The following CHN2 variants were observed in gnomAD, a reference collection of about 807,000 sequenced individuals.
CHN2 encodes the protein chimerin 2.
A neutral mutation model predicts 56.3 loss-of-function variants in CHN2; 35 were observed. The observed-to-expected ratio is 0.62, with a 90% CI of 0.47 to 0.82. The LOEUF is 0.82. Ranked by LOEUF, CHN2 falls within the 40% of genes least tolerant of loss-of-function variation. The probability of loss-of-function intolerance (pLI) is 0.00; values close to 1 mark genes in which losing one functional copy is unlikely to be tolerated. For synonymous variants in CHN2, 210 were observed against 212.8 expected (o/e 0.99, Z 0.12); for missense variants, 491 against 580.5 (o/e 0.85, Z 1.58).
chr7:29,271,885 T>C (rs1772693314), intron 1 of CHN2, among the ~76,000 whole-genome samples: 1 of 145,696 alleles, frequency 6.9e-6, no homozygotes, highest in African/African-American at 2.8e-5. Context: ...TTTGCACTTC[T>C]CCTCCCCACC....
upstream of CHN2, chr7:29,192,632 A>G (rs1225866402): frequency 1.3e-5 from 2 of 152,256 alleles, no homozygotes; most frequent in African/African-American, 2.4e-5. Context: ...TCACTTTGGA[A>G]CACAAACTTC....
At chr7:29,483,435 C>T (rs1787574618) in intron 7 of CHN2, among the ~76,000 whole-genome samples, 1 of 152,132 alleles carries the variant, frequency 6.6e-6, no homozygotes, top group Non-Finnish European at 1.5e-5. Context: ...CAGTTGGCAC[C>T]TCATCGCATG....
At chr7:29,479,956 C>G in intron 6 of CHN2, 1 of 1,449,948 alleles carries the variant, frequency 6.9e-7, no homozygotes, top group East Asian at 2.5e-5. Context: ...ATCACTCAAA[C>G]TGGGCCTTTC....
intron 7 of CHN2, among the ~76,000 whole-genome samples, chr7:29,483,651 C>T (rs534396775): frequency 6.6e-6 from 1 of 152,308 alleles, no homozygotes; most frequent in East Asian, 1.9e-4. Context: ...AACTGCATCT[C>T]TGTTTATCTA....
chr7:29,183,384 T>G (rs1288188614), intron 2 of CHN2, among the ~76,000 whole-genome samples: 5 of 126,144 alleles, frequency 4.0e-5, no homozygotes, highest in African/African-American at 1.8e-4. Flanking sequence ...GTGCCTAGCC[T>G]TTTTTTTTTT....
intron 2 of CHN2, among the ~76,000 whole-genome samples, chr7:29,162,807 A>G (rs1331722328): frequency 1.3e-5 from 2 of 152,264 alleles, no homozygotes; most frequent in African/African-American, 2.4e-5. Flanking sequence ...GCCAAAGGTT[A>G]GGGAAGAGGA....
upstream of CHN2, among the ~76,000 whole-genome samples, chr7:29,189,838 C>T (rs1782664876): frequency 1.3e-5 from 2 of 152,186 alleles, no homozygotes; most frequent in Admixed American, 6.5e-5. Context: ...AGCCCCCCTG[C>T]AGCTCAGTGA....
intron 6 of CHN2, among the ~76,000 whole-genome samples, chr7:29,422,144 T>A (rs1804408942): frequency 6.6e-6 from 1 of 152,208 alleles, no homozygotes; most frequent in Non-Finnish European, 1.5e-5. Context: ...AAGTGAGGAT[T>A]TTTTTAATGA....
rs114488691 is a variant in CHN2, at chr7:29,265,980, A to G, written c.49+70990A>G. Among the ~76,000 whole-genome samples the G allele has an allele frequency of 3.6e-3, 543 of 152,302 alleles. 4 individuals carry two copies. The highest frequency in any genetic ancestry group is 0.012 in the African/African-American group (515 of 41,558). ...CTACTCAGTAGGCTGATGTGAGAGG[A>G]TGAAAAGTTCAAGGCCTGAGCAAAG... On this transcript the variant is annotated intron_variant, in intron 1 of 12. Coordinates refer to ENST00000222792, the MANE Select transcript of CHN2 (RefSeq NM_004067.4).
At chr7:29,316,781 T>G (rs2128891078) in intron 1 of CHN2, among the ~76,000 whole-genome samples, 1 of 152,286 alleles carries the variant, frequency 6.6e-6, no homozygotes, top group South Asian at 2.1e-4. Flanking sequence ...ATAGCTAAGC[T>G]TTCTAGAGTA....
At chr7:29,488,820 C>T (rs917676089) in intron 7 of CHN2, among the ~76,000 whole-genome samples, 3 of 152,186 alleles carry the variant, frequency 2.0e-5, no homozygotes, top group African/African-American at 7.2e-5. Flanking sequence ...ATGTACGAGG[C>T]AGACCCCCAC....
intron 11 of CHN2, 71 bp downstream of exon 11, chr7:29,507,436 T>C (rs764984221): frequency 9.4e-6 from 11 of 1,165,226 alleles, no homozygotes; most frequent in Non-Finnish European, 1.2e-5. Flanking sequence ...TTCAGATAAT[T>C]AAAACTCAGA....
intron 1 of CHN2, among the ~76,000 whole-genome samples, chr7:29,215,817 G>A (rs56176348): frequency 0.019 from 2,869 of 152,114 alleles, 94 homozygotes; most frequent in African/African-American, 0.064. Flanking sequence ...GGGACAAAGC[G>A]TTAGCTACTA....
At chr7:29,259,917 G>A (rs1789404849) in intron 1 of CHN2, among the ~76,000 whole-genome samples, 1 of 152,140 alleles carries the variant, frequency 6.6e-6, no homozygotes, top group African/African-American at 2.4e-5. Flanking sequence ...GGAAACTAAT[G>A]AAAAATGATT....
intron 1 of CHN2, among the ~76,000 whole-genome samples, chr7:29,266,980 G>A (rs1455286819): frequency 1.3e-5 from 2 of 152,180 alleles, no homozygotes; most frequent in Non-Finnish European, 2.9e-5. Context: ...GACACTTTGT[G>A]TCTGAAGTCT....
chr7:29,362,503 G>C (rs1409568586), intron 2 of CHN2, among the ~76,000 whole-genome samples: 2 of 152,106 alleles, frequency 1.3e-5, no homozygotes, highest in Non-Finnish European at 2.9e-5. Context: ...GCTCAAACAT[G>C]TGACTGTCCC....
intron 1 of CHN2, among the ~76,000 whole-genome samples, chr7:29,293,375 C>T (rs865934312): frequency 1.6e-5 from 2 of 122,754 alleles, no homozygotes; most frequent in African/African-American, 2.9e-5. Flanking sequence ...CCCCCCCCCC[C>T]CCATATTAAC....
At chr7:29,163,007 T>G (rs1292047814) in intron 2 of CHN2, among the ~76,000 whole-genome samples, 1 of 152,250 alleles carries the variant, frequency 6.6e-6, no homozygotes, top group Non-Finnish European at 1.5e-5. Flanking sequence ...GTGTAGTTAA[T>G]TGTACCAATC....
At chr7:29,367,311 T>C (rs1799240554) in intron 2 of CHN2, among the ~76,000 whole-genome samples, 1 of 152,300 alleles carries the variant, frequency 6.6e-6, no homozygotes, top group Non-Finnish European at 1.5e-5. Context: ...TTATTATTAT[T>C]TAAGATGAGA....
Sources: allele counts gnomAD v4.1 joint callset (sites outside exome capture counted in the v4.1 genomes callset), GRCh38; gene constraint gnomAD v4.1.1; transcripts MANE v1.5; gene names NCBI Gene and HGNC (gene_info 2026-07-23, HGNC 2026-07-21).